Variants in CTR9 observed in about 807,000 individuals in gnomAD.
The protein encoded by CTR9 is CTR9 component of Paf1/RNA polymerase II complex, also known as RNA polymerase-associated protein CTR9 homolog.
A neutral mutation model predicts 152.1 loss-of-function variants in CTR9; 41 were observed. That is an observed-to-expected ratio of 0.27 (90% confidence interval 0.21 to 0.35). CTR9 has a LOEUF of 0.35. Among genes scored for constraint, CTR9 ranks in the 10% least tolerant of loss-of-function variants. CTR9 has a pLI of 1.00. For missense variants in CTR9, 917 were observed against 1,424.4 expected, an observed-to-expected ratio of 0.64 and a Z score of 5.73; for synonymous variants, 476 against 496.2, an observed-to-expected ratio of 0.96 and a Z score of 0.54.
intron 24 of CTR9, among the ~76,000 whole-genome samples, chr11:10,777,625 C>T (rs1756343920): frequency 6.6e-6 from 1 of 152,138 alleles, no homozygotes; most frequent in Admixed American, 6.5e-5. Flanking sequence ...TGAGCTGCTG[C>T]CAAATCTGTA....
intron 6 of CTR9, 147 bp from the exon 7 acceptor site, chr11:10,761,800 G>A: frequency 2.0e-6 from 1 of 497,348 alleles, no homozygotes; most frequent in Non-Finnish European, 3.6e-6. Context: ...ATGCAATATA[G>A]ATATTTAAAA....
intron 5 of CTR9, among the ~76,000 whole-genome samples, chr11:10,757,972 A>G (rs1429217458): frequency 1.3e-5 from 2 of 152,256 alleles, no homozygotes; most frequent in South Asian, 2.1e-4. Context: ...GGAGAAGACC[A>G]CTCCTAGAGA....
rs1863081155 is a variant in CTR9 at position 10,767,670 on chromosome 11, GAAAGAAAGA to G, written c.1687-123_1687-115del. 2.8e-6 allele frequency: 2 copies of G among 718,170 alleles called. No individual in the cohort carries two copies. The highest frequency in any genetic ancestry group is 4.5e-6 in the Non-Finnish European group (2 of 446,930). 44.5% of individuals were successfully genotyped at this position (718,170 alleles called of 1,614,324 possible). On this transcript the variant is annotated intron_variant, in intron 13 of 24. Transcript: ENST00000361367. The surrounding 1 kb of genome is among the most constrained non-coding windows in gnomAD (Gnocchi z 4.0). ...TTGGATTGCCATGCAAAAAAAAAAA[GAAAGAAAGA>G]AAAGAAAGAAAACCACTGTTGTAAT...
intron 24 of CTR9, 40 bp downstream of exon 24, chr11:10,775,673 G>T: frequency 7.3e-7 from 1 of 1,369,394 alleles, no homozygotes. Flanking sequence ...TCATGATGTA[G>T]ATAAATCAAA....
chr11:10,761,763 A>G (rs1011642085), intron 6 of CTR9, among the ~76,000 whole-genome samples, 184 bp from the exon 7 acceptor site: 1 of 152,192 alleles, frequency 6.6e-6, no homozygotes, highest in African/African-American at 2.4e-5. Flanking sequence ...AAAAAAATTA[A>G]GGATTAAAAG....
intron 18 of CTR9, 108 bp from the exon 19 acceptor site, chr11:10,771,437 A>G (rs979093752): frequency 1.4e-6 from 1 of 717,256 alleles, no homozygotes; most frequent in Non-Finnish European, 2.4e-6. Flanking sequence ...AAATCAGTCA[A>G]TATGCAAACC....
chr11:10,773,019 T>TC, intron 20 of CTR9, 108 bp from the exon 21 acceptor site: 1 of 1,244,802 alleles, frequency 8.0e-7, no homozygotes, highest in Non-Finnish European at 1.1e-6. Context: ...AGAGTGAGAC[T>TC]CCATCTCAAA....
chr11:10,762,235 T>C (rs143714736), intron 7 of CTR9, among the ~76,000 whole-genome samples, 181 bp downstream of exon 7: 8 of 152,320 alleles, frequency 5.3e-5, no homozygotes, highest in African/African-American at 1.9e-4. Context: ...ATTTATTTGC[T>C]TAATATTTAT....
chr11:10,758,937 A>G (rs1319030430), intron 5 of CTR9, among the ~76,000 whole-genome samples: 1 of 152,198 alleles, frequency 6.6e-6, no homozygotes, highest in Non-Finnish European at 1.5e-5. Flanking sequence ...AAATGCTGAT[A>G]TCATTCATTT....
intron 21 of CTR9, 57 bp downstream of exon 21, chr11:10,773,330 G>A: frequency 6.3e-7 from 1 of 1,581,704 alleles, no homozygotes; most frequent in South Asian, 1.2e-5. Context: ...TTGGCTTTGA[G>A]AAATGAGGAT....
rs1863070890 is a variant in CTR9 at position 10,767,024 on chromosome 11, T to C, written c.1686+534T>C. ...CTTTTGCCAATGGGCGATACACTGA[T>C]ATTTTTACTTTATTCCATTCTGTTG... is the stretch of plus-strand genomic sequence containing the variant. On this transcript the variant is annotated intron_variant, in intron 13 of 24. Coordinates refer to ENST00000361367, the MANE Select transcript of CTR9 (RefSeq NM_014633.5). The surrounding 1 kb of genome is among the most constrained non-coding windows in gnomAD (Gnocchi z 4.0). 6.6e-6 allele frequency: 1 copy of C among 152,666 alleles called. No individual in the cohort carries two copies. The highest frequency in any genetic ancestry group is 1.5e-5 in the Non-Finnish European group (1 of 68,318). The allele number at this position is 152,666 out of a possible 1,614,324, so 9.5% of individuals were successfully genotyped here.
At chr11:10,757,304 T>C (rs1267368642) in intron 5 of CTR9, among the ~76,000 whole-genome samples, 1 of 148,446 alleles carries the variant, frequency 6.7e-6, no homozygotes, top group Non-Finnish European at 1.5e-5. Context: ...AAAAAATAGA[T>C]AGGGTCTGGC....
intron 7 of CTR9, 76 bp from the exon 8 acceptor site, chr11:10,763,355 G>A (rs1863007675): frequency 3.2e-6 from 3 of 946,036 alleles, no homozygotes; most frequent in Non-Finnish European, 5.1e-6. Flanking sequence ...GGTAAACGAA[G>A]TGTTAGTCTA....
intron 5 of CTR9, among the ~76,000 whole-genome samples, chr11:10,759,110 A>G (rs1482419388): frequency 6.6e-6 from 1 of 152,166 alleles, no homozygotes; most frequent in Non-Finnish European, 1.5e-5. Context: ...CAACATATAG[A>G]TAGTGTATAA....
rs533927359 is a variant in CTR9, at chr11:10,769,005, G to A, written c.2109+514G>A. Reference sequence around the variant, plus strand: ...GAGGCGGCTGAGGCGGATGGATCACGAGGTCAGGAGTTCGAGACCAGCCTG... The same window carrying A: ...GAGGCGGCTGAGGCGGATGGATCACAAGGTCAGGAGTTCGAGACCAGCCTG... On this transcript the variant is annotated intron_variant, in intron 16 of 24. Coordinates refer to ENST00000361367, the MANE Select transcript of CTR9 (RefSeq NM_014633.5). Among the ~76,000 whole-genome samples the A allele has an allele frequency of 2.4e-4, 37 of 152,212 alleles. 1 individual carries two copies. The Middle Eastern group carries it at 0.01, about 42-fold the overall frequency.
intron 24 of CTR9, among the ~76,000 whole-genome samples, chr11:10,778,126 C>G (rs1007774991): frequency 9.9e-5 from 15 of 152,208 alleles, no homozygotes; most frequent in Admixed American, 2.6e-4. Context: ...CAAGTCTGGT[C>G]ATGGTGGAGG....
chr11:10,763,300 A>G (rs1863006835), intron 7 of CTR9, 131 bp from the exon 8 acceptor site: 3 of 681,886 alleles, frequency 4.4e-6, no homozygotes, highest in Non-Finnish European at 5.2e-6. Context: ...CTGTTATAGC[A>G]CTGAAAGGCA....
At chr11:10,757,798 T>C (rs145908248) in intron 5 of CTR9, among the ~76,000 whole-genome samples, 3 of 152,232 alleles carry the variant, frequency 2.0e-5, no homozygotes, top group African/African-American at 7.2e-5. Context: ...GTAAAGTATG[T>C]ATGATGTGTA....
At chr11:10,769,752 G>T (rs1000218360) in intron 16 of CTR9, among the ~76,000 whole-genome samples, 24 of 152,104 alleles carry the variant, frequency 1.6e-4, no homozygotes, top group African/African-American at 5.6e-4. Context: ...TATTGTATTG[G>T]TTTTACCAAG....
Sources: gnomAD v4.1 joint callset for allele counts (sites outside exome capture counted in the v4.1 genomes callset) on GRCh38, gnomAD v4.1.1 for gene constraint, Gnocchi (gnomAD v3.1) non-coding constraint, MANE v1.5 for transcripts, NCBI Gene and HGNC (gene_info 2026-07-23, HGNC 2026-07-21) for gene names.